Variants in KIAA0825 observed in about 807,000 individuals in gnomAD.
KIAA0825 encodes the protein uncharacterized protein KIAA0825.
Under a neutral mutation model 147.6 loss-of-function variants are expected in KIAA0825, and 119 were observed. That is an observed-to-expected ratio of 0.81 (90% CI 0.69 to 0.94). The LOEUF (loss-of-function observed/expected upper bound fraction) is 0.94. KIAA0825 is among the 40% of genes least tolerant of loss of function. KIAA0825 has a pLI of 0.00. For missense variants in KIAA0825, 1,381 were observed against 1,472.7 expected (o/e 0.94, Z 1.02); for synonymous variants, 470 against 518.1 (o/e 0.91, Z 1.26).
rs75938190 is a variant in KIAA0825, at chr5:94,244,191, T to C, written c.3711-90067A>G. On this transcript the variant is annotated intron_variant, in intron 20 of 20. Coordinates refer to ENST00000682413, the MANE Select transcript of KIAA0825 (RefSeq NM_001145678.3). Reference sequence around the variant, plus strand: ...TGTGTTTGTGCACCGGGAAGAATTTTCCTTCTTCGTAAACTATATTTCTAC... The same window carrying C: ...TGTGTTTGTGCACCGGGAAGAATTTCCCTTCTTCGTAAACTATATTTCTAC... Among the ~76,000 whole-genome samples the C allele has an allele frequency of 8.9e-3, 1,354 of 152,334 alleles. 23 individuals carry two copies. Among genetic ancestry groups the C allele is most frequent in the African/African-American group, 0.031 (1,280 of 41,580 alleles).
Position 94,462,448 on chromosome 5 carries a change from G to C in KIAA0825, c.2185C>G (p.His729Asp). The C allele has an allele frequency of 1.3e-6, 2 of 1,509,822 alleles. No individual in the cohort carries two copies. The highest frequency in any genetic ancestry group is 9.0e-7 in the Non-Finnish European group (1 of 1,110,610). 93.5% of individuals were successfully genotyped at this position (1,509,822 alleles called of 1,614,324 possible). A position where few individuals can be genotyped will look rare whatever the true frequency, so the allele number is the denominator to read the frequency against. The change falls in exon 12 of 21, where the codon CAT (histidine) becomes GAT (aspartate). Residue 729 changes from histidine to aspartate, a missense_variant. His to Asp is a moderately conservative substitution (Grantham distance 81, BLOSUM62 -1). Coordinates refer to ENST00000682413, the MANE Select transcript of KIAA0825 (RefSeq NM_001145678.3). The stretch of plus-strand genomic sequence containing the variant: ...AATGTTGTAAACAGATTATTACAAT[G>C]AGTGTGAATTTTAAAAATTTTATCA... ...TDDKIFKIHT[H>D]CNNLFTTLVI...
chr5:94,475,655 A>C (rs1761796847), intron 7 of KIAA0825, among the ~76,000 whole-genome samples: 1 of 152,104 alleles, frequency 6.6e-6, no homozygotes, highest in African/African-American at 2.4e-5. Flanking sequence ...TGAAAATATA[A>C]AAAATTAGCT....
At chr5:94,598,299 C>A (rs1049116013) in intron 1 of KIAA0825, among the ~76,000 whole-genome samples, 1 of 152,006 alleles carries the variant, frequency 6.6e-6, no homozygotes. Flanking sequence ...AACACACACA[C>A]ATATTAGCCT....
rs1424054204 is a variant in KIAA0825 at position 94,205,000 on chromosome 5, A to T, written c.3711-50876T>A. 3.3e-5 allele frequency among the ~76,000 whole-genome samples: 5 copies of T among 152,134 alleles called. No individual in the cohort carries two copies. The East Asian group carries it at 9.6e-4, about 29-fold the overall frequency. On this transcript the variant is annotated intron_variant, in intron 20 of 20. Transcript: ENST00000682413. ...TGGGAATTCAGAGAAACGTTTCTTC[A>T]CTATGAGTTGGTAGAATTCCTTGAA...
intron 6 of KIAA0825, among the ~76,000 whole-genome samples, chr5:94,484,027 T>G (rs1762772082): frequency 6.6e-6 from 1 of 151,640 alleles, no homozygotes; most frequent in Non-Finnish European, 1.5e-5. Flanking sequence ...ATGAAAATTT[T>G]TATAAATATA....
At chr5:94,426,560 C>A (rs1038954586) in intron 14 of KIAA0825, among the ~76,000 whole-genome samples, 1 of 152,086 alleles carries the variant, frequency 6.6e-6, no homozygotes, top group African/African-American at 2.4e-5. Context: ...GAATAGCGTG[C>A]GGGTCAGAGG....
Position 94,357,039 on chromosome 5 carries a change from T to A in KIAA0825, c.3710+27329A>T, listed in dbSNP as rs560006844. On this transcript the variant is annotated intron_variant, in intron 20 of 20. Coordinates refer to ENST00000682413, the MANE Select transcript of KIAA0825 (RefSeq NM_001145678.3). ...CGCCCAGCTGTGATGTACCAAATTT[T>A]AAAAAAATAAACATACAACAATGTT... Among the ~76,000 whole-genome samples, 6 of 152,088 alleles carry A rather than the reference T, an allele frequency of 3.9e-5. No homozygotes were observed. In the East Asian group the frequency reaches 7.7e-4, roughly 20 times the overall value.
chr5:94,392,567 T>A (rs1584356545), intron 17 of KIAA0825, among the ~76,000 whole-genome samples: 2 of 152,330 alleles, frequency 1.3e-5, no homozygotes, highest in African/African-American at 4.8e-5. Flanking sequence ...GTTATTGGGA[T>A]CATGCTACAC....
chr5:94,293,982 TA>T (rs1162466765), intron 20 of KIAA0825, among the ~76,000 whole-genome samples: 10 of 152,210 alleles, frequency 6.6e-5, no homozygotes, highest in Admixed American at 5.2e-4. Flanking sequence ...ATTTGCTTGG[TA>T]AATATTCCTC....
intron 1 of KIAA0825, among the ~76,000 whole-genome samples, chr5:94,588,165 T>C (rs1036458605): frequency 3.1e-4 from 47 of 152,144 alleles, no homozygotes; most frequent in African/African-American, 1.1e-3. Context: ...ACAAAAGCAA[T>C]GGGAACAAAA....
chr5:94,193,033 A>G (rs1276645451), intron 20 of KIAA0825, among the ~76,000 whole-genome samples: 2 of 152,330 alleles, frequency 1.3e-5, no homozygotes, highest in East Asian at 1.9e-4. Context: ...AATGGTTTCT[A>G]TAATACAAGA....
intron 20 of KIAA0825, among the ~76,000 whole-genome samples, chr5:94,243,510 TG>T (rs1775458466): frequency 6.6e-6 from 1 of 152,208 alleles, no homozygotes; most frequent in Admixed American, 6.5e-5. Flanking sequence ...GCAGAGTGCC[TG>T]GCCCATAGCA....
At chr5:94,201,585 G>A (rs985417822) in intron 20 of KIAA0825, among the ~76,000 whole-genome samples, 2 of 151,436 alleles carry the variant, frequency 1.3e-5, no homozygotes, top group African/African-American at 4.9e-5. Flanking sequence ...TTAAAAAAAA[G>A]GTTGTTTTTT....
chr5:94,520,020 T>C, intron 5 of KIAA0825: 1 of 1,135,678 alleles, frequency 8.8e-7, no homozygotes, highest in Non-Finnish European at 1.1e-6. Flanking sequence ...TAAAGTATTT[T>C]TGGCTTATAT....
chr5:94,419,350 C>A (rs1753875624), intron 14 of KIAA0825, among the ~76,000 whole-genome samples: 1 of 152,144 alleles, frequency 6.6e-6, no homozygotes, highest in African/African-American at 2.4e-5. Flanking sequence ...TTTCTGCTCC[C>A]TCCAATTCAT....
At chr5:94,428,143 T>TTGTG (rs61572627) in intron 14 of KIAA0825, among the ~76,000 whole-genome samples, 6,683 of 134,446 alleles carry the variant, frequency 0.05, 153 homozygotes, top group East Asian at 0.085. Flanking sequence ...TAAGGTCTTG[T>TTGTG]TGTGTGTGTG....
At chr5:94,599,619 T>C (rs533208648) in intron 1 of KIAA0825, among the ~76,000 whole-genome samples, 3 of 152,106 alleles carry the variant, frequency 2.0e-5, no homozygotes, top group African/African-American at 4.8e-5. Context: ...CTTAATGTAA[T>C]ACCAAAAGCA....
intron 20 of KIAA0825, among the ~76,000 whole-genome samples, chr5:94,255,707 C>CT (rs57646287): frequency 0.035 from 1,685 of 47,800 alleles, 700 homozygotes; most frequent in African/African-American, 0.087. Flanking sequence ...AGAATTATGG[C>CT]TTTTTTTTTT....
At chr5:94,405,560 C>T (rs572777861) in intron 15 of KIAA0825, among the ~76,000 whole-genome samples, 1 of 152,192 alleles carries the variant, frequency 6.6e-6, no homozygotes, top group African/African-American at 2.4e-5. Context: ...TCTTCAAATA[C>T]ATTAGCATAC....
Sources: allele counts gnomAD v4.1 joint callset (sites outside exome capture counted in the v4.1 genomes callset), GRCh38; gene constraint gnomAD v4.1.1; transcripts MANE v1.5; gene names NCBI Gene and HGNC (gene_info 2026-07-23, HGNC 2026-07-21).